The following FBLN2 variants were observed in gnomAD, a reference collection of about 807,000 sequenced individuals.
The protein encoded by FBLN2 is fibulin-2.
A neutral mutation model predicts 123.7 loss-of-function variants in FBLN2; 81 were observed. The ratio of observed to expected loss-of-function variants is 0.65; its 90% CI spans 0.55 to 0.79. FBLN2 has a LOEUF of 0.79. Among genes scored for constraint, FBLN2 ranks in the 30% least tolerant of loss-of-function variants. The pLI is 0.00. For missense variants in FBLN2, 1,603 were observed against 1,681.3 expected (o/e 0.95, Z 0.81); for synonymous variants, 699 against 701.4 (o/e 1.00, Z 0.05).
chr3:13,607,020 C>T (rs1373465786), intron 2 of FBLN2, among the ~76,000 whole-genome samples: 1 of 150,942 alleles, frequency 6.6e-6, no homozygotes, highest in East Asian at 2.0e-4. Flanking sequence ...CGGAGTCTTG[C>T]TCTGTCACCC....
At position 13,570,781 on chromosome 3, in the gene FBLN2, G is replaced by C; in HGVS notation, c.426G>C (p.Ala142=). The C allele has an allele frequency of 6.3e-7, 1 of 1,599,152 alleles. No homozygotes were observed. Among genetic ancestry groups the C allele is most frequent in the Non-Finnish European group, 8.5e-7 (1 of 1,173,862 alleles). The change falls in exon 2 of 18, where the codon GCG becomes GCC. Residue 142 remains alanine (A), a synonymous_variant. Transcript: ENST00000404922. ...PQCGQVGCVH[A]GHKYAAGHTV... is the part of the protein sequence containing the mutation. Reference sequence around the variant, plus strand: ...GCGGCCAGGTGGGCTGCGTCCACGCGGGCCACAAGTACGCCGCTGGCCACA... The same window carrying C: ...GCGGCCAGGTGGGCTGCGTCCACGCCGGCCACAAGTACGCCGCTGGCCACA...
intron 2 of FBLN2, among the ~76,000 whole-genome samples, chr3:13,606,385 T>A (rs1373782676): frequency 6.6e-6 from 1 of 152,210 alleles, no homozygotes; most frequent in Non-Finnish European, 1.5e-5. Context: ...GTAATCAAAT[T>A]CATTAATTTT....
In FBLN2 at chr3:13,620,544, C is replaced by T. The variant is rs951193411; in HGVS notation, c.2155+713C>T. On this transcript the variant is annotated intron_variant, in intron 8 of 17. Transcript: ENST00000404922. ...GGTCTGGGTCTTGTCTTTGTGGGGC[C>T]TCTGTGGGCCAGGACCCCCCACTGT... 6.0e-4 allele frequency among the ~76,000 whole-genome samples: 91 copies of T among 152,296 alleles called. 1 individual carries two copies. The highest frequency in any genetic ancestry group is 1.6e-4 in the Non-Finnish European group (11 of 68,018).
At chr3:13,621,685 C>A in intron 8 of FBLN2, 90 bp from the exon 9 acceptor site, 1 of 1,445,766 alleles carries the variant, frequency 6.9e-7, no homozygotes. Flanking sequence ...CTGCCCCTTG[C>A]TGGGTCTCAT....
intron 1 of FBLN2, among the ~76,000 whole-genome samples, chr3:13,552,415 C>T (rs910274350): frequency 1.3e-5 from 2 of 152,060 alleles, no homozygotes; most frequent in South Asian, 2.1e-4. Context: ...CGGTGGTGGA[C>T]GTAAACACCA....
intron 9 of FBLN2, among the ~76,000 whole-genome samples, chr3:13,625,719 C>G (rs370909062): frequency 8.9e-4 from 135 of 152,064 alleles, no homozygotes; most frequent in Middle Eastern, 3.4e-3. Context: ...GAAGGTAGTC[C>G]GAGCCACTGA....
intron 1 of FBLN2, among the ~76,000 whole-genome samples, chr3:13,558,961 G>T (rs932277798): frequency 6.6e-6 from 1 of 152,052 alleles, no homozygotes; most frequent in East Asian, 1.9e-4. Flanking sequence ...AAAGATAAGG[G>T]GTTGGGAACT....
chr3:13,615,629 G>T (rs1171250820), intron 5 of FBLN2, among the ~76,000 whole-genome samples: 1 of 152,232 alleles, frequency 6.6e-6, no homozygotes, highest in Non-Finnish European at 1.5e-5. Flanking sequence ...TGAATGATAG[G>T]ATGCCTGTCA....
chr3:13,570,209 C>G, intron 1 of FBLN2, 106 bp from the exon 2 acceptor site: 1 of 1,237,860 alleles, frequency 8.1e-7, no homozygotes, highest in Non-Finnish European at 1.1e-6. Context: ...TGAGCGCATG[C>G]GTGTGAGGTG....
chr3:13,637,904 C>T lies in FBLN2; in HGVS notation c.3681C>T (p.Thr1227=). ...TFLAKMHIFF[T]TFAL ...TGGCCAAGATGCACATCTTCTTCAC[C>T]ACCTTTGCCCTGTGAGGTGCCAGCA... Residue 1227 remains threonine, a synonymous_variant, in exon 18 of 18, where the codon ACC becomes ACT. Coordinates refer to ENST00000404922, the MANE Select transcript of FBLN2 (RefSeq NM_001004019.2). The T allele has an allele frequency of 6.3e-7, 1 of 1,588,104 alleles. No individual in the cohort carries two copies. Among genetic ancestry groups the T allele is most frequent in the Non-Finnish European group, 8.6e-7 (1 of 1,163,524 alleles).
At chr3:13,556,811 A>G (rs1175534563) in intron 1 of FBLN2, among the ~76,000 whole-genome samples, 1 of 152,234 alleles carries the variant, frequency 6.6e-6, no homozygotes, top group Non-Finnish European at 1.5e-5. Context: ...TGCTGGAAGC[A>G]GGGGCCCCTT....
intron 2 of FBLN2, among the ~76,000 whole-genome samples, chr3:13,574,293 G>A (rs1704060905): frequency 6.6e-6 from 1 of 152,224 alleles, no homozygotes; most frequent in Non-Finnish European, 1.5e-5. Context: ...TGTGCTGAGA[G>A]GCCTTCTGCA....
chr3:13,597,923 T>G (rs1246291888), intron 2 of FBLN2, among the ~76,000 whole-genome samples: 1 of 152,226 alleles, frequency 6.6e-6, no homozygotes, highest in Non-Finnish European at 1.5e-5. Context: ...AGAGAATCTC[T>G]GAGTTGAGGC....
chr3:13,578,520 C>T lies in FBLN2; in HGVS notation c.1306+6859C>T, dbSNP rs375520136. Among the ~76,000 whole-genome samples, 13 of 152,334 alleles carry T rather than the reference C, an allele frequency of 8.5e-5. No individual in the cohort carries two copies. The East Asian group carries it at 2.5e-3, about 29-fold the overall frequency. On this transcript the variant is annotated intron_variant, in intron 2 of 17. Transcript: ENST00000404922. ...TTTCAGGGTCCATTTCATGTGGTAG[C>T]ATGTGTCATTAATTCCTTTTCATGG...
intron 2 of FBLN2, among the ~76,000 whole-genome samples, chr3:13,600,355 CTTTG>C (rs1704990453): frequency 6.6e-6 from 1 of 151,992 alleles, no homozygotes. Flanking sequence ...AGCTCCTGAG[CTTTG>C]TTTGAGAAGG....
intron 2 of FBLN2, among the ~76,000 whole-genome samples, chr3:13,606,411 G>A (rs989214688): frequency 6.6e-6 from 1 of 152,140 alleles, no homozygotes; most frequent in African/African-American, 2.4e-5. Flanking sequence ...CCTATAGCCT[G>A]TGCCTTTGAG....
At position 13,601,251 on chromosome 3, in the gene FBLN2, T is replaced by C. The variant is rs541051183; in HGVS notation, c.1307-6811T>C. ...GGACCATAATCTCTGTAAGGCAATC[T>C]TGGAAGAGGTTTAGGGAGGAAGGAT... On this transcript the variant is annotated intron_variant, in intron 2 of 17. Coordinates refer to ENST00000404922, the MANE Select transcript of FBLN2 (RefSeq NM_001004019.2). 3.9e-5 allele frequency among the ~76,000 whole-genome samples: 6 copies of C among 152,314 alleles called. No homozygotes were observed. The South Asian group carries it at 1.2e-3, about 32-fold the overall frequency.
chr3:13,617,027 T>C (rs1176548086), intron 5 of FBLN2, among the ~76,000 whole-genome samples: 4 of 152,188 alleles, frequency 2.6e-5, no homozygotes, highest in Non-Finnish European at 4.4e-5. Context: ...AGAGCTTCTT[T>C]GTGGATCTGA....
At chr3:13,609,687 G>GGGGGGGC in intron 4 of FBLN2, 45 bp downstream of exon 4, 1 of 463,680 alleles carries the variant, frequency 2.2e-6, no homozygotes, top group Non-Finnish European at 4.3e-6. Context: ...GGTGGGGCGG[G>GGGGGGGC]GCGGGAGGCT....
Sources: allele counts gnomAD v4.1 joint callset (sites outside exome capture counted in the v4.1 genomes callset), GRCh38; gene constraint gnomAD v4.1.1; transcripts MANE v1.5; gene names NCBI Gene and HGNC (gene_info 2026-07-23, HGNC 2026-07-21).